CDH4: variants seen among roughly 807,000 people sequenced by gnomAD.
The protein encoded by CDH4 is cadherin-4.
CDH4 carries 33 observed loss-of-function variants against 86.0 expected under a neutral mutation model. That is an observed-to-expected ratio of 0.38 (90% CI 0.29 to 0.51). CDH4 has a LOEUF of 0.51. Among genes scored for constraint, CDH4 ranks in the 20% least tolerant of loss-of-function variants. The pLI is 0.86. For missense variants in CDH4, 1,114 were observed against 1,307.4 expected, an observed-to-expected ratio of 0.85 and a Z score of 2.28; for synonymous variants, 555 against 549.4, an observed-to-expected ratio of 1.01 and a Z score of -0.14.
At chr20:61,692,125 C>G (rs952574201) in intron 2 of CDH4, among the ~76,000 whole-genome samples, 3 of 141,850 alleles carry the variant, frequency 2.1e-5, no homozygotes, top group Non-Finnish European at 4.5e-5. Context: ...ATGTGTGTGT[C>G]TGTGTGTGTC....
At chr20:61,612,983 A>G (rs1404699907) in intron 2 of CDH4, among the ~76,000 whole-genome samples, 2 of 152,058 alleles carry the variant, frequency 1.3e-5, no homozygotes, top group Non-Finnish European at 2.9e-5. Flanking sequence ...ACGACCATGA[A>G]CAGCCAGCCA....
intron 2 of CDH4, among the ~76,000 whole-genome samples, chr20:61,652,858 T>TG (rs202066224): frequency 3.6e-4 from 51 of 141,386 alleles, no homozygotes; most frequent in South Asian, 1.5e-3. Context: ...AATTTTTTTT[T>TG]GGGGGGGGGA....
chr20:61,523,514 C>T (rs2085888577), intron 2 of CDH4, among the ~76,000 whole-genome samples: 1 of 152,238 alleles, frequency 6.6e-6, no homozygotes, highest in African/African-American at 2.4e-5. Context: ...TCTTGTAAAT[C>T]TTCCTCCCTC....
intron 2 of CDH4, among the ~76,000 whole-genome samples, chr20:61,297,268 C>T (rs1259510767): frequency 6.6e-6 from 1 of 152,166 alleles, no homozygotes; most frequent in Non-Finnish European, 1.5e-5. Context: ...TGCCTGTAAT[C>T]CCAGCTACTC....
chr20:61,904,189 G>C (rs2054762655), intron 8 of CDH4, among the ~76,000 whole-genome samples: 1 of 152,208 alleles, frequency 6.6e-6, no homozygotes, highest in African/African-American at 2.4e-5. Flanking sequence ...ACCAGGGATT[G>C]GATGTTAGGG....
intron 2 of CDH4, among the ~76,000 whole-genome samples, chr20:61,558,143 T>C (rs769400358): frequency 6.6e-6 from 1 of 152,192 alleles, no homozygotes; most frequent in African/African-American, 2.4e-5. Context: ...ACTGTGATTA[T>C]TGGGTAATAA....
In CDH4 at chr20:61,494,821, A is replaced by G. The variant is rs142450301; in HGVS notation, c.169+239884A>G. On this transcript the variant is annotated intron_variant, in intron 2 of 15. Transcript: ENST00000614565. Reference sequence around the variant, plus strand: ...TTCTCTAGCTATCATTTTCTCCTGGAAGGTGGAGCATCTGAGGCTGTGATT... The same window carrying G: ...TTCTCTAGCTATCATTTTCTCCTGGGAGGTGGAGCATCTGAGGCTGTGATT... Among the ~76,000 whole-genome samples the G allele has an allele frequency of 9.8e-5, 15 of 152,330 alleles. No homozygotes were observed. The East Asian group carries it at 2.9e-3, about 29-fold the overall frequency.
intron 2 of CDH4, among the ~76,000 whole-genome samples, chr20:61,281,220 C>T (rs1344177306): frequency 6.6e-6 from 1 of 152,144 alleles, no homozygotes; most frequent in Non-Finnish European, 1.5e-5. Context: ...TGTTGGAGTT[C>T]TCCCCAGATT....
chr20:61,631,850 A>T (rs1367404649), intron 2 of CDH4, among the ~76,000 whole-genome samples: 1 of 152,186 alleles, frequency 6.6e-6, no homozygotes, highest in East Asian at 1.9e-4. Flanking sequence ...GGCCGGTAGT[A>T]AGTGAATGGG....
At chr20:61,583,970 C>G (rs2086451528) in intron 2 of CDH4, among the ~76,000 whole-genome samples, 1 of 152,054 alleles carries the variant, frequency 6.6e-6, no homozygotes, top group Admixed American at 6.5e-5. Flanking sequence ...ACCAGCCTGG[C>G]CAACATGGTG....
intron 6 of CDH4, among the ~76,000 whole-genome samples, chr20:61,867,607 G>A (rs540985059): frequency 6.6e-6 from 1 of 151,866 alleles, no homozygotes; most frequent in East Asian, 1.9e-4. Flanking sequence ...AGTAAAGTGG[G>A]GGATTCCTGG....
At chr20:61,866,149 C>T (rs938483428) in intron 6 of CDH4, among the ~76,000 whole-genome samples, 15 of 152,160 alleles carry the variant, frequency 9.9e-5, no homozygotes, top group African/African-American at 3.1e-4. Context: ...AGAGGACCCT[C>T]GGTGCCACCC....
intron 2 of CDH4, among the ~76,000 whole-genome samples, chr20:61,378,684 A>T (rs1037177576): frequency 5.3e-5 from 8 of 152,238 alleles, no homozygotes; most frequent in Non-Finnish European, 1.0e-4. Flanking sequence ...CATTTCTCCA[A>T]GTAAAATGAC....
At chr20:61,341,600 G>T (rs1438569846) in intron 2 of CDH4, among the ~76,000 whole-genome samples, 1 of 151,640 alleles carries the variant, frequency 6.6e-6, no homozygotes, top group African/African-American at 2.4e-5. Flanking sequence ...TTGAAAACTG[G>T]TAAATGAGAA....
intron 2 of CDH4, among the ~76,000 whole-genome samples, chr20:61,721,929 C>T (rs961035004): frequency 6.6e-6 from 1 of 152,128 alleles, no homozygotes; most frequent in African/African-American, 2.4e-5. Flanking sequence ...CTCCATTGGC[C>T]CTTTCAGAGA....
At chr20:61,571,703 G>A (rs1422268000) in intron 2 of CDH4, among the ~76,000 whole-genome samples, 2 of 152,006 alleles carry the variant, frequency 1.3e-5, no homozygotes, top group East Asian at 2.0e-4. Context: ...GTGGTGGACA[G>A]GAAGGACCTG....
intron 4 of CDH4, among the ~76,000 whole-genome samples, chr20:61,799,306 A>G (rs1156543462): frequency 6.6e-6 from 1 of 152,180 alleles, no homozygotes; most frequent in Admixed American, 6.5e-5. Flanking sequence ...CCCAGCTGCT[A>G]CCTCCAGGAG....
intron 2 of CDH4, among the ~76,000 whole-genome samples, chr20:61,492,847 G>A (rs1195870049): frequency 6.6e-6 from 1 of 152,244 alleles, no homozygotes; most frequent in Non-Finnish European, 1.5e-5. Context: ...AGTATTGTCA[G>A]AGAAGACCAC....
At chr20:61,256,145 G>A (rs1432875226) in intron 2 of CDH4, among the ~76,000 whole-genome samples, 1 of 152,158 alleles carries the variant, frequency 6.6e-6, no homozygotes, top group East Asian at 1.9e-4. Flanking sequence ...CCATTTTCAG[G>A]ATCGTTTGGT....
Sources: gnomAD v4.1 joint callset for allele counts (sites outside exome capture counted in the v4.1 genomes callset) on GRCh38, gnomAD v4.1.1 for gene constraint, MANE v1.5 for transcripts, NCBI Gene and HGNC (gene_info 2026-07-23, HGNC 2026-07-21) for gene names.